The following DOK6 variants were observed in gnomAD, a reference collection of about 807,000 sequenced individuals.
DOK6 encodes downstream of tyrosine kinase 6.
In DOK6, 22 loss-of-function variants were observed where a neutral mutation model predicts 44.0. The observed-to-expected ratio is 0.50, with a 90% confidence interval of 0.36 to 0.71. The LOEUF (loss-of-function observed/expected upper bound fraction) is 0.71. DOK6 is among the 30% of genes least tolerant of loss of function. DOK6 has a pLI of 0.00. For synonymous variants in DOK6, 166 were observed against 145.5 expected (o/e 1.14, Z -1.01); for missense variants, 340 against 416.4 (o/e 0.82, Z 1.60).
At chr18:69,446,138 T>C (rs1599134732) in intron 1 of DOK6, among the ~76,000 whole-genome samples, 1 of 152,024 alleles carries the variant, frequency 6.6e-6, no homozygotes, top group African/African-American at 2.4e-5. Flanking sequence ...ACTTGTGCCA[T>C]GTTGGTGTGC....
intron 7 of DOK6, among the ~76,000 whole-genome samples, chr18:69,826,153 G>A (rs1981734449): frequency 6.6e-6 from 1 of 152,144 alleles, no homozygotes; most frequent in Non-Finnish European, 1.5e-5. Context: ...TGGGATGTCT[G>A]ACACTGCTAG....
intron 3 of DOK6, among the ~76,000 whole-genome samples, chr18:69,603,115 C>T (rs139155590): frequency 7.3e-4 from 111 of 152,310 alleles, no homozygotes; most frequent in South Asian, 1.5e-3. Context: ...GAGCCTACCA[C>T]ATGTTCTTTT....
intron 6 of DOK6, among the ~76,000 whole-genome samples, chr18:69,745,722 G>C (rs935057535): frequency 6.6e-6 from 1 of 152,182 alleles, no homozygotes; most frequent in Non-Finnish European, 1.5e-5. Flanking sequence ...GTACTTAAAA[G>C]GTGTTGAGTG....
chr18:69,561,245 G>T (rs1454499803), intron 1 of DOK6, among the ~76,000 whole-genome samples: 2 of 152,040 alleles, frequency 1.3e-5, no homozygotes. Context: ...CTAGTAAGTG[G>T]CATAGCCATA....
intron 1 of DOK6, among the ~76,000 whole-genome samples, chr18:69,505,541 C>T (rs958071406): frequency 2.7e-5 from 4 of 147,480 alleles, no homozygotes; most frequent in Non-Finnish European, 6.0e-5. Context: ...TCTGTCACCC[C>T]GGCTGGAGTG....
chr18:69,771,261 A>G (rs1056882502), intron 7 of DOK6, among the ~76,000 whole-genome samples: 6 of 152,026 alleles, frequency 3.9e-5, no homozygotes, highest in African/African-American at 1.2e-4. Context: ...TCAAGATAAA[A>G]TTCATATATG....
At chr18:69,738,405 G>A (rs1356411069) in intron 5 of DOK6, among the ~76,000 whole-genome samples, 1 of 152,068 alleles carries the variant, frequency 6.6e-6, no homozygotes, top group African/African-American at 2.4e-5. Flanking sequence ...TTTAGAGTTA[G>A]CCTTTGTTAA....
chr18:69,579,884 A>G (rs533294085), intron 2 of DOK6, among the ~76,000 whole-genome samples: 2 of 152,130 alleles, frequency 1.3e-5, no homozygotes, highest in East Asian at 1.9e-4. Context: ...CAACCCCCCA[A>G]ATTGCTGGGA....
At chr18:69,568,445 T>A (rs9967308) in intron 2 of DOK6, among the ~76,000 whole-genome samples, 142,636 of 152,280 alleles carry the variant, frequency 0.94, 67,533 homozygotes, top group East Asian at 1. Context: ...TGAAAAAAGC[T>A]AGTCATTTTG....
intron 5 of DOK6, among the ~76,000 whole-genome samples, chr18:69,700,679 G>A (rs948504304): frequency 6.6e-6 from 1 of 152,184 alleles, no homozygotes; most frequent in East Asian, 1.9e-4. Flanking sequence ...CCATAATTTT[G>A]TGCATCTGTT....
intron 1 of DOK6, among the ~76,000 whole-genome samples, chr18:69,448,578 T>C (rs1002343291): frequency 4.0e-4 from 61 of 152,136 alleles, no homozygotes; most frequent in African/African-American, 1.4e-3. Context: ...TTCACCATGT[T>C]GGTCAGGCTG....
chr18:69,728,173 C>A (rs1050773638), intron 5 of DOK6, among the ~76,000 whole-genome samples: 2 of 152,220 alleles, frequency 1.3e-5, no homozygotes, highest in Non-Finnish European at 2.9e-5. Flanking sequence ...TTTTGGATGG[C>A]CTGCAGCCAG....
intron 1 of DOK6, among the ~76,000 whole-genome samples, chr18:69,450,765 TAAAGA>T (rs1490396341): frequency 2.1e-5 from 3 of 144,502 alleles, no homozygotes; most frequent in African/African-American, 7.6e-5. Flanking sequence ...TCAACATTCT[TAAAGA>T]AAAGAATTTT....
chr18:69,608,933 G>C (rs1343434123), intron 3 of DOK6, among the ~76,000 whole-genome samples: 1 of 105,446 alleles, frequency 9.5e-6, no homozygotes, highest in Admixed American at 1.3e-4. Context: ...CTGAGCAACA[G>C]AGCAAGACTC....
intron 3 of DOK6, among the ~76,000 whole-genome samples, chr18:69,621,627 C>G (rs1298965865): frequency 6.6e-6 from 1 of 152,064 alleles, no homozygotes; most frequent in African/African-American, 2.4e-5. Flanking sequence ...TTGAAAAGAT[C>G]ATGGGATTCA....
In DOK6 at chr18:69,572,155, T is replaced by C. The variant is rs910069811; in HGVS notation, c.174+7561T>C. Among the ~76,000 whole-genome samples the C allele has an allele frequency of 2.9e-4, 44 of 152,118 alleles. 1 individual carries two copies. On this transcript the variant is annotated intron_variant, in intron 2 of 7. Coordinates refer to ENST00000382713, the MANE Select transcript of DOK6 (RefSeq NM_152721.6). ...ATAGATATCACAAAAGCAAATATTC[T>C]AAACTGAAAGATAGCAAAAATAGAT...
intron 7 of DOK6, among the ~76,000 whole-genome samples, chr18:69,822,241 CA>C (rs1981594250): frequency 6.6e-6 from 1 of 152,130 alleles, no homozygotes; most frequent in Admixed American, 6.6e-5. Context: ...TGTTAAATAT[CA>C]CTCCTTATTG....
intron 1 of DOK6, among the ~76,000 whole-genome samples, chr18:69,517,392 G>A (rs1225906627): frequency 2.0e-5 from 3 of 152,032 alleles, no homozygotes; most frequent in Non-Finnish European, 2.9e-5. Context: ...TCTTCAATTG[G>A]CAACTCTTTT....
chr18:69,773,588 G>A (rs1279436656), intron 7 of DOK6, among the ~76,000 whole-genome samples: 1 of 151,968 alleles, frequency 6.6e-6, no homozygotes, highest in Non-Finnish European at 1.5e-5. Context: ...GCCATTCACA[G>A]AAGGACAAAT....
Sources: gnomAD v4.1 joint callset for allele counts (sites outside exome capture counted in the v4.1 genomes callset) on GRCh38, gnomAD v4.1.1 for gene constraint, MANE v1.5 for transcripts, NCBI Gene and HGNC (gene_info 2026-07-23, HGNC 2026-07-21) for gene names.